The following ZNF600 variants were observed in gnomAD, a reference collection of about 807,000 sequenced individuals.
ZNF600 encodes the protein zinc finger protein 600.
A neutral mutation model predicts 7.3 loss-of-function variants in ZNF600; 4 were observed. The observed-to-expected ratio is 0.55, with a 90% CI of 0.27 to 1.25. The LOEUF (loss-of-function observed/expected upper bound fraction) is 1.25. Among genes scored for constraint, ZNF600 ranks in the 50% most tolerant of loss-of-function variants. The pLI is 0.12. For missense variants in ZNF600, 911 were observed against 922.1 expected, an observed-to-expected ratio of 0.99 and a Z score of 0.16; for synonymous variants, 290 against 308.9, an observed-to-expected ratio of 0.94 and a Z score of 0.64.
exon 1 of ZNF600, chr19:52,786,652 T>TG (rs2062766181): frequency 4.7e-6 from 1 of 214,534 alleles, no homozygotes; most frequent in South Asian, 4.9e-5. Context: ...TCCAGGTCCG[T>TG]GGGGATCCCA....
the ZNF600 span, among the ~76,000 whole-genome samples, chr19:52,816,815 A>T: frequency 2.0e-5 from 3 of 149,414 alleles, no homozygotes; most frequent in African/African-American, 7.4e-5. Context: ...TGGGCAACAA[A>T]GCAAGACTCC....
Position 52,784,816 on chromosome 19 carries a change from G to C in ZNF600, c.-20+1779C>G, listed in dbSNP as rs559184017. On this transcript the variant is annotated intron_variant, in intron 1 of 3. Transcript: ENST00000648973. ...TGATCTCTGCTCACAGCAGCCTGGA[G>C]CTCCTGGGCTCAAGTGATCCTCCTG... Among the ~76,000 whole-genome samples the C allele has an allele frequency of 3.3e-4, 51 of 152,260 alleles. 1 individual carries two copies. The highest frequency in any genetic ancestry group is 2.4e-3 in the Admixed American group (36 of 15,282).
the ZNF600 span, chr19:52,798,517 T>C: frequency 5.9e-6 from 3 of 511,470 alleles, no homozygotes; most frequent in Non-Finnish European, 8.0e-6. Flanking sequence ...TGATGACATT[T>C]GTAAGATTTC....
At position 52,781,032 on chromosome 19, in the gene ZNF600, G is replaced by C. The variant is rs1421288355; in HGVS notation, c.-19-2125C>G. On this transcript the variant is annotated intron_variant, in intron 1 of 3. It adds an upstream start codon to the 5' untranslated region. Transcript: ENST00000648973. ...CAGCTGAGGAGACAACTGGACACAG[G>C]ATTGTAGAGCTCAGGGGCGAGGCCT... is the stretch of plus-strand genomic sequence containing the variant. 1.3e-5 allele frequency: 2 copies of C among 152,286 alleles called. No homozygotes were observed. The highest frequency in any genetic ancestry group is 2.9e-5 in the Non-Finnish European group (2 of 68,070). 9.4% of individuals were successfully genotyped at this position (152,286 alleles called of 1,614,324 possible).
chr19:52,821,033 G>A, the ZNF600 span, among the ~76,000 whole-genome samples: 3 of 152,136 alleles, frequency 2.0e-5, no homozygotes, highest in Non-Finnish European at 4.4e-5. Context: ...CGCGTCACAG[G>A]ACAAGCCCCA....
At chr19:52,782,840 A>C (rs1357021590) in intron 1 of ZNF600, among the ~76,000 whole-genome samples, 1 of 152,134 alleles carries the variant, frequency 6.6e-6, no homozygotes, top group Non-Finnish European at 1.5e-5. Context: ...GCTCCACTGC[A>C]CTCCAGCCTG....
chr19:52,767,772 T>A (rs764258110), exon 4 of ZNF600: 2 of 1,553,774 alleles, frequency 1.3e-6, no homozygotes, highest in East Asian at 4.5e-5. Context: ...GGAAGAGATA[T>A]CTACAAAATA....
At chr19:52,786,025 T>C (rs1344714448) in intron 1 of ZNF600, among the ~76,000 whole-genome samples, 2 of 152,188 alleles carry the variant, frequency 1.3e-5, no homozygotes, top group East Asian at 1.9e-4. Flanking sequence ...TCTCTGTCTC[T>C]GGTTTTCTAC....
the ZNF600 span, among the ~76,000 whole-genome samples, chr19:52,832,761 T>TTC: frequency 2.6e-5 from 4 of 151,854 alleles, no homozygotes; most frequent in South Asian, 2.1e-4. Context: ...GAGCGACATT[T>TTC]TCTCTCTCTC....
chr19:52,805,189 G>C, the ZNF600 span: 1 of 151,932 alleles, frequency 6.6e-6, no homozygotes, highest in Admixed American at 6.6e-5. Flanking sequence ...AGAATTGCTT[G>C]AACCTGGGAA....
At chr19:52,770,739 A>G (rs531213100) in intron 3 of ZNF600, among the ~76,000 whole-genome samples, 10 of 152,348 alleles carry the variant, frequency 6.6e-5, no homozygotes, top group South Asian at 2.1e-4. Flanking sequence ...TTATTCTCCA[A>G]TAAGGATGTT....
the ZNF600 span, among the ~76,000 whole-genome samples, chr19:52,812,338 G>C: frequency 7.0e-6 from 1 of 141,850 alleles, no homozygotes; most frequent in Admixed American, 6.9e-5. Flanking sequence ...GGAAGGGTGG[G>C]GAAGAAATTG....
At chr19:52,787,859 CAA>C (rs561775430), upstream of ZNF600, among the ~76,000 whole-genome samples, 3 of 84,510 alleles carry the variant, frequency 3.5e-5, no homozygotes, top group Non-Finnish European at 5.3e-5. Flanking sequence ...GGCTACGTCT[CAA>C]AAAAAAAAAA....
At chr19:52,800,336 A>G in the ZNF600 span, 1 of 1,613,600 alleles carries the variant, frequency 6.2e-7, no homozygotes, top group Non-Finnish European at 8.5e-7. Flanking sequence ...CACTCCGGAA[A>G]GCCTTGTCAC....
At chr19:52,799,546 C>A in the ZNF600 span, 1 of 1,406,436 alleles carries the variant, frequency 7.1e-7, no homozygotes, top group South Asian at 1.2e-5. Context: ...GTATGAATGG[C>A]TTTGTGACTT....
chr19:52,809,894 G>A, the ZNF600 span: 9 of 806,588 alleles, frequency 1.1e-5, no homozygotes, highest in Non-Finnish European at 1.9e-5. Flanking sequence ...CCAGGCCGGG[G>A]CGGCGCCATC....
Position 52,767,445 on chromosome 19 carries a change from T to C in ZNF600, c.518A>G (p.Lys173Arg), listed in dbSNP as rs758918850. Residue 173 changes from lysine (K) to arginine (R), a missense_variant, in exon 4 of 4, where the codon AAA becomes AGA. Physicochemically the swap from Lys to Arg is conservative, Grantham distance 26 (BLOSUM62 2). Transcript: ENST00000648973. ...CTCAAATTGATTACCAATTTTACCT[T>C]TGATCTGAATTATGTGGAGTTCAGG... is the stretch of plus-strand genomic sequence containing the variant. The C allele has an allele frequency of 5.6e-6, 9 of 1,614,150 alleles. 1 individual carries two copies. In the South Asian group the frequency reaches 7.7e-5, roughly 14 times the overall value.
chr19:52,791,578 C>A (rs2062790891), upstream of ZNF600, among the ~76,000 whole-genome samples: 1 of 120,116 alleles, frequency 8.3e-6, no homozygotes, highest in African/African-American at 3.1e-5. Flanking sequence ...AGAAATCAAT[C>A]CTGAATGTGA....
At chr19:52,778,304 G>A (rs1368964441) in intron 2 of ZNF600, among the ~76,000 whole-genome samples, 1 of 150,054 alleles carries the variant, frequency 6.7e-6, no homozygotes. Flanking sequence ...GTGAGCACCT[G>A]AACCAACATC....
Sources: gnomAD v4.1 joint callset for allele counts (sites outside exome capture counted in the v4.1 genomes callset) on GRCh38, gnomAD v4.1.1 for gene constraint, MANE v1.5 for transcripts, NCBI Gene and HGNC (gene_info 2026-07-23, HGNC 2026-07-21) for gene names.